Variants in MMUT observed in about 807,000 individuals in gnomAD.
MMUT encodes the protein methylmalonyl-CoA mutase, also known as methylmalonyl-CoA mutase, mitochondrial.
A neutral mutation model predicts 79.9 loss-of-function variants in MMUT; 79 were observed. The observed-to-expected ratio is 0.99, with a 90% confidence interval of 0.82 to 1.19. MMUT has a LOEUF of 1.19. Among genes scored for constraint, MMUT ranks in the 50% most tolerant of loss-of-function variants. MMUT has a pLI of 0.00. For missense variants in MMUT, 860 were observed against 917.2 expected (o/e 0.94, Z 0.81); for synonymous variants, 273 against 295.7 (o/e 0.92, Z 0.79).
intron 12 of MMUT, among the ~76,000 whole-genome samples, chr6:49,435,252 T>A (rs1486061589): frequency 6.6e-6 from 1 of 152,248 alleles, no homozygotes; most frequent in Admixed American, 6.5e-5. Flanking sequence ...TGTAAAGTGT[T>A]AAGTTAAATT....
Position 49,457,731 on chromosome 6 carries a change from G to T in MMUT, c.713C>A (p.Ser238Tyr), listed in dbSNP as rs1355910617. Reference protein sequence around the residue: ...RNTYIFPPEPSMKIIADIFEY... With the variant: ...RNTYIFPPEPYMKIIADIFEY... ...AAATATGTCAGCAATAATTTTCATG[G>T]ATGGTTCTGGAGGAAAAATGTATGT... Residue 238 changes from serine to tyrosine, a missense_variant, in exon 3 of 13, where the codon TCC (serine) becomes TAC (tyrosine). By Grantham distance (144) the Ser-to-Tyr change is moderately radical. Transcript: ENST00000274813. The T allele has an allele frequency of 6.2e-7, 1 of 1,611,826 alleles. No individual in the cohort carries two copies. The highest frequency in any genetic ancestry group is 1.3e-5 in the African/African-American group (1 of 74,810).
chr6:49,439,558 C>A (rs1417261486), intron 11 of MMUT, among the ~76,000 whole-genome samples: 2 of 152,178 alleles, frequency 1.3e-5, no homozygotes, highest in Non-Finnish European at 2.9e-5. Flanking sequence ...TCTTTTGGGT[C>A]ACTCGATAAA....
chr6:49,461,220 G>A (rs1372527160), intron 1 of MMUT, among the ~76,000 whole-genome samples: 2 of 152,054 alleles, frequency 1.3e-5, no homozygotes, highest in African/African-American at 4.8e-5. Flanking sequence ...GGCTTTTGGG[G>A]GTAATGGTCT....
chr6:49,456,550 C>T (rs1016158593), intron 3 of MMUT, among the ~76,000 whole-genome samples: 1 of 152,032 alleles, frequency 6.6e-6, no homozygotes, highest in East Asian at 1.9e-4. Flanking sequence ...TAACCTTTGG[C>T]CTGAGAACTA....
intron 11 of MMUT, among the ~76,000 whole-genome samples, chr6:49,436,433 C>T (rs1229589498): frequency 2.0e-5 from 3 of 151,684 alleles, no homozygotes; most frequent in African/African-American, 7.3e-5. Flanking sequence ...TGGTGAAACC[C>T]ATCTCTACTA....
intron 11 of MMUT, among the ~76,000 whole-genome samples, chr6:49,438,392 T>C (rs1363740921): frequency 6.6e-6 from 1 of 152,154 alleles, no homozygotes; most frequent in African/African-American, 2.4e-5. Flanking sequence ...GAGTTTATAT[T>C]GCTATTTGAT....
intron 11 of MMUT, 134 bp downstream of exon 11, chr6:49,440,072 G>T: frequency 8.3e-7 from 1 of 1,208,388 alleles, no homozygotes; most frequent in Non-Finnish European, 1.2e-6. Context: ...AAAGGCATTT[G>T]CCAAGTCAGT....
rs755314171 is a variant in MMUT at position 49,459,476 on chromosome 6, T to C, written c.-10A>G. On this transcript the variant is annotated 5_prime_UTR_variant, in exon 2 of 13. An upstream start codon of the reference 5' UTR is lost. Coordinates refer to ENST00000274813, the MANE Select transcript of MMUT (RefSeq NM_000255.4). ...TCTTAGCTCTTAACATGGTGGAGCA[T>C]GGAAACACCCAATAGAAATAAGAAC... 3.1e-5 allele frequency: 50 copies of C among 1,608,274 alleles called. No homozygotes were observed. Among genetic ancestry groups the C allele is most frequent in the Non-Finnish European group, 3.9e-5 (46 of 1,179,884 alleles).
chr6:49,432,509 T>G (rs545052595), intron 12 of MMUT, among the ~76,000 whole-genome samples: 214 of 152,200 alleles, frequency 1.4e-3, no homozygotes, highest in Non-Finnish European at 2.8e-3. Context: ...TGCCTCAGCC[T>G]TCCAAGTAGC....
intron 5 of MMUT, among the ~76,000 whole-genome samples, chr6:49,453,059 T>TTTTTTTTTTTTTTTTTG (rs398048522): frequency 7.2e-6 from 1 of 138,984 alleles, no homozygotes; most frequent in Non-Finnish European, 1.6e-5. Flanking sequence ...TTTTTTTTTT[T>TTTTTTTTTTTTTTTTTG]AGACGTAGTT....
intron 1 of MMUT, among the ~76,000 whole-genome samples, chr6:49,459,952 G>C (rs1554161219): frequency 6.6e-6 from 1 of 152,168 alleles, no homozygotes; most frequent in Non-Finnish European, 1.5e-5. Flanking sequence ...AGAGAAAAAA[G>C]TGATGAATAA....
At chr6:49,432,439 G>C (rs1340182091) in intron 12 of MMUT, among the ~76,000 whole-genome samples, 1 of 151,836 alleles carries the variant, frequency 6.6e-6, no homozygotes. Context: ...CCAGACTGGA[G>C]TGCAGTGGCG....
At chr6:49,455,291 T>C (rs1320297298) in intron 4 of MMUT, among the ~76,000 whole-genome samples, 1 of 152,146 alleles carries the variant, frequency 6.6e-6, no homozygotes, top group Non-Finnish European at 1.5e-5. Flanking sequence ...CTATAAATTC[T>C]TGAGAAAATG....
In MMUT at chr6:49,433,736, T is replaced by A. The variant is rs1767049196; in HGVS notation, c.2124+1720A>T. ...CATGGCAGAAGCTGTATCTGTTTGA[T>A]TAGCCACTAGATATTAGTGCCTTCT... On this transcript the variant is annotated intron_variant, in intron 12 of 12. Transcript: ENST00000274813. 3.9e-5 allele frequency among the ~76,000 whole-genome samples: 6 copies of A among 152,324 alleles called. No homozygotes were observed. In the South Asian group the frequency reaches 1.2e-3, roughly 32 times the overall value.
chr6:49,445,867 A>G (rs1404364211), intron 8 of MMUT, among the ~76,000 whole-genome samples: 1 of 152,010 alleles, frequency 6.6e-6, no homozygotes, highest in Non-Finnish European at 1.5e-5. Context: ...AAAAATGCCC[A>G]TTTTTCTTTA....
intron 4 of MMUT, among the ~76,000 whole-genome samples, chr6:49,454,556 C>A (rs951294564): frequency 3.9e-5 from 6 of 152,224 alleles, no homozygotes; most frequent in African/African-American, 1.4e-4. Context: ...GATCTGTCCG[C>A]CTCGGTCACC....
At chr6:49,450,180 G>A (rs1221691814) in intron 6 of MMUT, among the ~76,000 whole-genome samples, 3 of 149,894 alleles carry the variant, frequency 2.0e-5, no homozygotes, top group African/African-American at 2.5e-5. Flanking sequence ...GCAGTAAGCC[G>A]AGATCACGCC....
rs777167901 is a variant in MMUT at position 49,459,278 on chromosome 6, G to T, written c.189C>A (p.Thr63=). The stretch of plus-strand genomic sequence containing the variant: ...AGGGTTTTATAGAGATCCCTTCCGG[G>T]GTGTGCCATATTAGGTCTTCTGGGT... ...GKNPEDLIWH[T]PEGISIKPLY... Residue 63 remains threonine (T), a synonymous_variant, in exon 2 of 13, where the codon ACC becomes ACA. Coordinates refer to ENST00000274813, the MANE Select transcript of MMUT (RefSeq NM_000255.4). 237 of 1,613,984 alleles carry T rather than the reference G, an allele frequency of 1.5e-4. 1 individual carries two copies. The highest frequency in any genetic ancestry group is 6.0e-4 in the Admixed American group (36 of 59,988).
intron 12 of MMUT, among the ~76,000 whole-genome samples, chr6:49,432,279 T>C (rs1766998825): frequency 6.6e-6 from 1 of 152,208 alleles, no homozygotes; most frequent in South Asian, 2.1e-4. Context: ...TAGTGAATGA[T>C]GGCACTTTGA....
Sources: allele counts gnomAD v4.1 joint callset (sites outside exome capture counted in the v4.1 genomes callset), GRCh38; gene constraint gnomAD v4.1.1; transcripts MANE v1.5; gene names NCBI Gene and HGNC (gene_info 2026-07-23, HGNC 2026-07-21).